The following TLN2 variants were observed in gnomAD, a reference collection of about 807,000 sequenced individuals.
TLN2 encodes the protein talin-2.
In TLN2, 118 loss-of-function variants were observed where a neutral mutation model predicts 294.7. The observed-to-expected ratio is 0.40, with a 90% CI of 0.34 to 0.47. The LOEUF (loss-of-function observed/expected upper bound fraction) is 0.47. Among genes scored for constraint, TLN2 ranks in the 20% least tolerant of loss-of-function variants. TLN2 has a pLI of 0.84. For missense variants in TLN2, 3,083 were observed against 3,282.2 expected, an observed-to-expected ratio of 0.94 and a Z score of 1.48; for synonymous variants, 1,431 against 1,304.5, an observed-to-expected ratio of 1.10 and a Z score of -2.09.
intron 11 of TLN2, chr15:62,683,190 G>A (rs1240250615): frequency 6.6e-6 from 1 of 152,186 alleles, no homozygotes; most frequent in African/African-American, 2.4e-5. Context: ...TTGAAGTGAG[G>A]GTCCAGGAGC....
intron 40 of TLN2, among the ~76,000 whole-genome samples, chr15:62,765,155 C>A (rs74836682): frequency 0.018 from 2,669 of 151,938 alleles, 38 homozygotes; most frequent in African/African-American, 0.032. Context: ...TTTAATTTAA[C>A]AAACCATCTG....
chr15:62,594,510 C>T (rs572517598), intron 2 of TLN2, among the ~76,000 whole-genome samples: 8 of 152,242 alleles, frequency 5.3e-5, no homozygotes, highest in African/African-American at 1.2e-4. Flanking sequence ...CCCATCTCAC[C>T]CACCTCAATT....
At chr15:62,458,395 T>C (rs1474151665) in intron 1 of TLN2, among the ~76,000 whole-genome samples, 1 of 152,182 alleles carries the variant, frequency 6.6e-6, no homozygotes, top group Non-Finnish European at 1.5e-5. Flanking sequence ...CTTTCCAATT[T>C]CTCATTCTGA....
intron 1 of TLN2, among the ~76,000 whole-genome samples, chr15:62,570,399 G>A (rs2140639632): frequency 6.6e-6 from 1 of 152,358 alleles, no homozygotes; most frequent in African/African-American, 2.4e-5. Context: ...ACCCTCTTGT[G>A]TTCCTGAGGG....
intron 4 of TLN2, 104 bp downstream of exon 4, chr15:62,647,550 C>T: frequency 1.4e-6 from 2 of 1,471,118 alleles, no homozygotes; most frequent in Non-Finnish European, 1.9e-6. Context: ...CCTATTAGTG[C>T]ATATGTTTCA....
At chr15:62,552,927 T>C (rs990402355) in intron 1 of TLN2, among the ~76,000 whole-genome samples, 1 of 152,230 alleles carries the variant, frequency 6.6e-6, no homozygotes, top group Admixed American at 6.5e-5. Context: ...CTGCAAATAA[T>C]GAGAATTGAC....
At chr15:62,463,571 G>A (rs1448655151) in intron 1 of TLN2, among the ~76,000 whole-genome samples, 1 of 152,162 alleles carries the variant, frequency 6.6e-6, no homozygotes. Flanking sequence ...TCTCACGCCA[G>A]TTAGAATGGC....
intron 21 of TLN2, among the ~76,000 whole-genome samples, chr15:62,709,641 T>C (rs1366694807): frequency 6.6e-6 from 1 of 152,184 alleles, no homozygotes; most frequent in African/African-American, 2.4e-5. Flanking sequence ...AAAGTAAGTC[T>C]CCCCAAACCC....
rs147109073 is a variant in TLN2, at chr15:62,700,690, G to T, written c.1588-416G>T. ...CATTGACAGAGAACATGTCTAAGTT[G>T]AAACACCCTCTTTCTCACCCTGCAC... On this transcript the variant is annotated intron_variant, in intron 16 of 58. Coordinates refer to ENST00000636159, the MANE Select transcript of TLN2 (RefSeq NM_015059.3). Among the ~76,000 whole-genome samples the T allele has an allele frequency of 2.0e-5, 3 of 152,322 alleles. 1 individual carries two copies. The highest frequency in any genetic ancestry group is 7.2e-5 in the African/African-American group (3 of 41,572).
intron 1 of TLN2, among the ~76,000 whole-genome samples, chr15:62,554,759 C>T (rs749883792): frequency 4.6e-5 from 7 of 152,124 alleles, no homozygotes; most frequent in South Asian, 2.1e-4. Context: ...AGACAGGCCT[C>T]GAGCATTGTT....
chr15:62,702,083 A>G lies in TLN2; in HGVS notation c.1788A>G (p.Leu596=), dbSNP rs533659447. ...CGGAGATGTCCAAGGGTGTGAAGCT[A>G]TTGGCCGCCCTCATGGATGATGAGG... ...NLTEMSKGVK[L]LAALMDDEVG... is the part of the protein sequence containing the mutation. The change falls in exon 18 of 59, where the codon CTA becomes CTG. Residue 596 remains leucine (L), a synonymous_variant. Transcript: ENST00000636159. 47 of 1,614,202 alleles carry G rather than the reference A, an allele frequency of 2.9e-5. No individual in the cohort carries two copies. In the African/African-American group the frequency reaches 4.0e-4, roughly 14 times the overall value.
At chr15:62,770,367 A>T (rs2063279321) in intron 41 of TLN2, among the ~76,000 whole-genome samples, 1 of 152,222 alleles carries the variant, frequency 6.6e-6, no homozygotes, top group Non-Finnish European at 1.5e-5. Context: ...GCCCTCCTGG[A>T]AAGAGGCCTG....
intron 1 of TLN2, among the ~76,000 whole-genome samples, chr15:62,491,347 T>C (rs1483202365): frequency 2.9e-3 from 239 of 82,284 alleles, no homozygotes; most frequent in African/African-American, 0.01. Context: ...AATATATATA[T>C]ATATACACAC....
At position 62,779,756 on chromosome 15, in the gene TLN2, G is replaced by A. The variant is rs2063990300; in HGVS notation, c.5515-1384G>A. 3.3e-5 allele frequency among the ~76,000 whole-genome samples: 5 copies of A among 152,368 alleles called. No individual in the cohort carries two copies. The South Asian group carries it at 6.2e-4, about 19-fold the overall frequency. On this transcript the variant is annotated intron_variant, in intron 43 of 58. Transcript: ENST00000636159. ...GTCTCCTTTGACTAGCAGGGCCCCC[G>A]TGCCGTGATGGGGATATAGCATCTA...
chr15:62,552,312 C>G (rs2042365677), intron 1 of TLN2, among the ~76,000 whole-genome samples: 1 of 152,146 alleles, frequency 6.6e-6, no homozygotes, highest in Admixed American at 6.5e-5. Context: ...AGTTGATTCC[C>G]ATTATTCACG....
chr15:62,472,304 T>G (rs1278933509), intron 1 of TLN2, among the ~76,000 whole-genome samples: 2 of 152,212 alleles, frequency 1.3e-5, no homozygotes, highest in African/African-American at 4.8e-5. Context: ...AGATGACTCC[T>G]TATATCTTCC....
rs568589955 is a variant in TLN2 at position 62,746,751 on chromosome 15, T to C, written c.4026-1600T>C. On this transcript the variant is annotated intron_variant, in intron 32 of 58. Transcript: ENST00000636159. The stretch of plus-strand genomic sequence containing the variant: ...TGCCAAAGCTGCAGTGGTTAGAAAC[T>C]GAGTCGAATTCTGGGCCCTGCCAGA... Among the ~76,000 whole-genome samples, 6 of 152,336 alleles carry C rather than the reference T, an allele frequency of 3.9e-5. No individual in the cohort carries two copies. In the South Asian group the frequency reaches 1.2e-3, roughly 32 times the overall value.
intron 48 of TLN2, among the ~76,000 whole-genome samples, chr15:62,798,417 C>T (rs117551453): frequency 2.5e-3 from 384 of 152,288 alleles, no homozygotes; most frequent in Non-Finnish European, 3.0e-3. Context: ...ACATGCGGCA[C>T]AGCTCTTGGC....
chr15:62,546,757 T>C (rs1013458973), intron 1 of TLN2, among the ~76,000 whole-genome samples: 5 of 152,118 alleles, frequency 3.3e-5, no homozygotes, highest in Non-Finnish European at 5.9e-5. Context: ...AAGGGGAGCT[T>C]TGAGATCTAT....
Sources: gnomAD v4.1 joint callset for allele counts (sites outside exome capture counted in the v4.1 genomes callset) on GRCh38, gnomAD v4.1.1 for gene constraint, MANE v1.5 for transcripts, NCBI Gene and HGNC (gene_info 2026-07-23, HGNC 2026-07-21) for gene names.